GDAP1: variants seen among roughly 807,000 people sequenced by gnomAD.
The protein encoded by GDAP1 is ganglioside-induced differentiation-associated protein 1.
Under a neutral mutation model 40.1 loss-of-function variants are expected in GDAP1, and 34 were observed. The observed-to-expected ratio is 0.85, with a 90% CI of 0.64 to 1.13. The LOEUF is 1.13. Among genes scored for constraint, GDAP1 ranks in the 50% most tolerant of loss-of-function variants. The pLI, the probability that GDAP1 is intolerant of heterozygous loss-of-function variation, is 0.00. For missense variants in GDAP1, 374 were observed against 433.7 expected (o/e 0.86, Z 1.22); for synonymous variants, 170 against 157.4 (o/e 1.08, Z -0.60).
intron 2 of GDAP1, among the ~76,000 whole-genome samples, chr8:74,375,046 G>T (rs777140489): frequency 6.8e-6 from 1 of 147,632 alleles, no homozygotes; most frequent in Non-Finnish European, 1.5e-5. Context: ...AAAAATATTG[G>T]GCCAGGTGTG....
chr8:74,393,787 G>A lies in GDAP1; in HGVS notation c.165+42466G>A, dbSNP rs115624929. On this transcript the variant is annotated intron_variant, in intron 2 of 2. Transcript: ENST00000523640. ...GCAATACTCAAGTGTAATTAAATGAGGGCAAATACCTTTCAGTATGACACA... is the reference window on the plus strand; with the variant it reads ...GCAATACTCAAGTGTAATTAAATGAAGGCAAATACCTTTCAGTATGACACA... Among the ~76,000 whole-genome samples the A allele has an allele frequency of 1.3e-3, 197 of 152,176 alleles. 3 individuals are homozygous for A. The highest frequency in any genetic ancestry group is 4.6e-3 in the African/African-American group (192 of 41,516).
At chr8:74,468,738 A>G (rs996645786) in intron 2 of GDAP1, among the ~76,000 whole-genome samples, 2 of 152,204 alleles carry the variant, frequency 1.3e-5, no homozygotes, top group Non-Finnish European at 2.9e-5. Context: ...CAATAATATC[A>G]TCTGCAAAGA....
chr8:74,482,973 G>T (rs890137898), intron 2 of GDAP1, among the ~76,000 whole-genome samples: 8 of 152,092 alleles, frequency 5.3e-5, no homozygotes, highest in Non-Finnish European at 7.4e-5. Flanking sequence ...CTTGAATTCT[G>T]CTTGTGCCAT....
intron 2 of GDAP1, among the ~76,000 whole-genome samples, chr8:74,484,294 G>A (rs371140855): frequency 6.6e-6 from 1 of 152,042 alleles, no homozygotes; most frequent in Admixed American, 6.6e-5. Context: ...GGACATATTA[G>A]CAGGTTATAT....
intron 2 of GDAP1, among the ~76,000 whole-genome samples, chr8:74,455,364 A>T (rs1194597020): frequency 6.6e-6 from 1 of 151,958 alleles, no homozygotes; most frequent in African/African-American, 2.4e-5. Flanking sequence ...CAGTTGTGAG[A>T]TAATCCATTA....
At chr8:74,475,131 T>C (rs1259330908) in intron 2 of GDAP1, among the ~76,000 whole-genome samples, 2 of 152,158 alleles carry the variant, frequency 1.3e-5, no homozygotes, top group Non-Finnish European at 2.9e-5. Context: ...ATTATCTCCT[T>C]TGTCATTTCT....
intron 2 of GDAP1, among the ~76,000 whole-genome samples, chr8:74,468,103 G>T (rs1806496282): frequency 6.6e-6 from 1 of 151,480 alleles, no homozygotes. Flanking sequence ...CCTACCTGTG[G>T]ACTTACTGTT....
chr8:74,389,414 T>C (rs772240489), intron 2 of GDAP1, among the ~76,000 whole-genome samples: 2 of 152,220 alleles, frequency 1.3e-5, no homozygotes, highest in Non-Finnish European at 2.9e-5. Context: ...GTAAAGGATT[T>C]TATTTCTCCT....
chr8:74,385,767 T>C (rs924836815), intron 2 of GDAP1, among the ~76,000 whole-genome samples: 7 of 152,298 alleles, frequency 4.6e-5, no homozygotes, highest in African/African-American at 1.7e-4. Context: ...CCCCACACTG[T>C]CTTCCACAGT....
chr8:74,473,783 T>C (rs1388274682), intron 2 of GDAP1, among the ~76,000 whole-genome samples: 1 of 151,568 alleles, frequency 6.6e-6, no homozygotes, highest in Non-Finnish European at 1.5e-5. Flanking sequence ...CCTTGGCTAT[T>C]CAGGCCCTTT....
intron 2 of GDAP1, among the ~76,000 whole-genome samples, chr8:74,373,725 T>C (rs947329839): frequency 2.6e-5 from 4 of 152,222 alleles, no homozygotes; most frequent in African/African-American, 9.6e-5. Flanking sequence ...TGACTTCCTC[T>C]TTTCCTAATT....
chr8:74,373,551 C>T (rs1399359451), intron 2 of GDAP1, among the ~76,000 whole-genome samples: 5 of 152,134 alleles, frequency 3.3e-5, no homozygotes, highest in African/African-American at 9.7e-5. Context: ...TGATTTGGCT[C>T]TCTGTTCGTC....
intron 2 of GDAP1, among the ~76,000 whole-genome samples, chr8:74,438,413 C>T (rs1478712368): frequency 1.3e-5 from 2 of 152,178 alleles, no homozygotes; most frequent in African/African-American, 2.4e-5. Flanking sequence ...CAAGTTAGAC[C>T]TGTCAGACTT....
intron 2 of GDAP1, among the ~76,000 whole-genome samples, chr8:74,382,127 T>C (rs1312553725): frequency 6.6e-6 from 1 of 152,196 alleles, no homozygotes; most frequent in Non-Finnish European, 1.5e-5. Flanking sequence ...TATTTCAATC[T>C]GTTGCCTTTA....
chr8:74,414,164 G>A (rs1406936647), intron 2 of GDAP1, among the ~76,000 whole-genome samples: 1 of 150,154 alleles, frequency 6.7e-6, no homozygotes, highest in Non-Finnish European at 1.5e-5. Context: ...TCAATTGAAT[G>A]CCCAAATAAA....
Position 74,466,907 on chromosome 8 carries a change from A to G in GDAP1, c.166-21771A>G, listed in dbSNP as rs535381168. On this transcript the variant is annotated intron_variant, in intron 2 of 2. Transcript: ENST00000523640. ...GCAGATTTATGCACTGCTGGGAGAG[A>G]CTCAGATAGAGGGGAATAGATGCTG... 4.9e-4 allele frequency among the ~76,000 whole-genome samples: 74 copies of G among 152,246 alleles called. 1 individual carries two copies. The South Asian group carries it at 0.015, about 30-fold the overall frequency.
At chr8:74,419,165 T>C (rs1388910920) in intron 2 of GDAP1, among the ~76,000 whole-genome samples, 3 of 152,150 alleles carry the variant, frequency 2.0e-5, no homozygotes, top group African/African-American at 7.2e-5. Context: ...ACTCAAAAAT[T>C]CCACTTCTAG....
intron 2 of GDAP1, among the ~76,000 whole-genome samples, chr8:74,414,972 CCA>C (rs1805760570): frequency 6.7e-6 from 1 of 149,988 alleles, no homozygotes; most frequent in Non-Finnish European, 1.5e-5. Flanking sequence ...GAAAATAACT[CCA>C]GTGATGGTTG....
chr8:74,374,396 A>G (rs1809816591), intron 2 of GDAP1, among the ~76,000 whole-genome samples: 1 of 152,192 alleles, frequency 6.6e-6, no homozygotes, highest in Non-Finnish European at 1.5e-5. Flanking sequence ...CCTGTTTTGC[A>G]AGAGAAGGAA....
Sources: allele counts gnomAD v4.1 joint callset (sites outside exome capture counted in the v4.1 genomes callset), GRCh38; gene constraint gnomAD v4.1.1; transcripts MANE v1.5; gene names NCBI Gene and HGNC (gene_info 2026-07-23, HGNC 2026-07-21).